The following MID1 variants were observed in gnomAD, a reference collection of about 807,000 sequenced individuals.
The protein encoded by MID1 is E3 ubiquitin-protein ligase Midline-1.
In MID1, 7 loss-of-function variants were observed where a neutral mutation model predicts 40.4. The ratio of observed to expected loss-of-function variants is 0.17; its 90% CI spans 0.10 to 0.33. The LOEUF is 0.33. MID1 is among the 10% of genes least tolerant of loss of function. The pLI is 1.00. For missense variants in MID1, 367 were observed against 558.5 expected, an observed-to-expected ratio of 0.66 and a Z score of 3.46; for synonymous variants, 229 against 221.2, an observed-to-expected ratio of 1.04 and a Z score of -0.31.
At chrX:10,490,139 G>A (rs1204375153) in intron 4 of MID1, among the ~76,000 whole-genome samples, 1 of 111,746 alleles carries the variant, frequency 8.9e-6, no homozygotes, top group Admixed American at 9.5e-5. Context: ...GGAAAGAACA[G>A]AAATCATAAC....
intron 3 of MID1, chrX:10,506,393 G>A (rs1260830621): frequency 1.9e-6 from 2 of 1,060,222 alleles, no homozygotes; most frequent in East Asian, 3.3e-5. Flanking sequence ...GGACAACTAC[G>A]AAGCCAGTAA....
At chrX:10,796,354 G>A (rs754553682) in intron 1 of MID1, among the ~76,000 whole-genome samples, 2 of 106,458 alleles carry the variant, frequency 1.9e-5, no homozygotes, top group Non-Finnish European at 3.8e-5. Flanking sequence ...CACCAGATAC[G>A]TATTTGACAT....
rs2043785002 is a variant in MID1 at position 10,773,708 on chromosome X, C to T, written c.-187+59846G>A. 3.6e-5 allele frequency among the ~76,000 whole-genome samples: 4 copies of T among 111,980 alleles called. No individual in the cohort carries two copies. In the Admixed American group the frequency reaches 3.8e-4, roughly 11 times the overall value. ...TAAGTCTGCTCTGCTTTACTGGAAA[C>T]CTCTTGTCAAATCAAGGATGCGGCT... On this transcript the variant is annotated intron_variant, in intron 1 of 10. Coordinates refer to the MID1 transcript ENST00000380785.
intron 1 of MID1, among the ~76,000 whole-genome samples, chrX:10,763,943 T>C (rs2043701088): frequency 8.9e-6 from 1 of 112,379 alleles, no homozygotes; most frequent in African/African-American, 3.3e-5. Flanking sequence ...TTCATGTGTC[T>C]TTTGGCTGCA....
At chrX:10,657,866 T>C (rs1310343423) in intron 1 of MID1, among the ~76,000 whole-genome samples, 1 of 112,298 alleles carries the variant, frequency 8.9e-6, no homozygotes. Flanking sequence ...AATTGGTTAG[T>C]TCTATTGCCA....
intron 1 of MID1, among the ~76,000 whole-genome samples, chrX:10,587,073 T>A (rs1194464107): frequency 1.8e-5 from 2 of 112,809 alleles, no homozygotes; most frequent in Non-Finnish European, 3.7e-5. Flanking sequence ...GATCTGGTAT[T>A]CCTCATGGGA....
At chrX:10,805,281 T>C (rs1364765682) in intron 1 of MID1, among the ~76,000 whole-genome samples, 2 of 90,847 alleles carry the variant, frequency 2.2e-5, no homozygotes, top group Admixed American at 1.3e-4. Flanking sequence ...CCATGTGTTC[T>C]CATTGTTCAA....
chrX:10,542,002 GTGGACAGCGTTCTAA>G (rs948968467), intron 2 of MID1, among the ~76,000 whole-genome samples: 2 of 112,261 alleles, frequency 1.8e-5, no homozygotes, highest in African/African-American at 3.2e-5. Context: ...GGAACTTAGT[GTGGACAGCGTTCTAA>G]TGGCATAGAA....
intron 1 of MID1, among the ~76,000 whole-genome samples, chrX:10,797,208 G>T (rs934169625): frequency 1.8e-5 from 2 of 111,408 alleles, no homozygotes; most frequent in African/African-American, 6.5e-5. Flanking sequence ...TTTATTTTCA[G>T]ATGTAAAATA....
intron 3 of MID1, among the ~76,000 whole-genome samples, chrX:10,508,980 C>G (rs1012379356): frequency 9.0e-6 from 1 of 111,288 alleles, no homozygotes; most frequent in African/African-American, 3.3e-5. Context: ...CCCTTTGTAT[C>G]CTGGTCTTAG....
At chrX:10,529,576 C>T (rs748979851) in intron 2 of MID1, among the ~76,000 whole-genome samples, 7 of 111,928 alleles carry the variant, frequency 6.3e-5, no homozygotes, top group African/African-American at 2.0e-4. Flanking sequence ...CCTTTCCTTT[C>T]GTGGTCAGTA....
chrX:10,550,722 TG>T (rs1409919985), intron 2 of MID1, among the ~76,000 whole-genome samples: 1 of 112,026 alleles, frequency 8.9e-6, no homozygotes, highest in Non-Finnish European at 1.9e-5. Context: ...CAATGACATT[TG>T]GGGCTGGATG....
At chrX:10,521,087 C>T (rs1248309213) in intron 3 of MID1, among the ~76,000 whole-genome samples, 2 of 85,362 alleles carry the variant, frequency 2.3e-5, no homozygotes, top group East Asian at 3.6e-4. Context: ...CGTCACATGG[C>T]GAAATTAGGA....
intron 1 of MID1, among the ~76,000 whole-genome samples, chrX:10,665,528 CTT>C (rs373056802): frequency 2.0e-4 from 19 of 96,423 alleles, no homozygotes; most frequent in African/African-American, 5.3e-4. Flanking sequence ...CAAATAGCCA[CTT>C]TTTTTTTTTT....
intron 1 of MID1, among the ~76,000 whole-genome samples, chrX:10,786,745 C>T (rs1392121954): frequency 1.0e-5 from 1 of 99,825 alleles, no homozygotes; most frequent in Non-Finnish European, 2.0e-5. Context: ...CATGTTCTCA[C>T]TCATAGGTGG....
At chrX:10,530,506 G>A (rs1326794346) in intron 2 of MID1, among the ~76,000 whole-genome samples, 1 of 112,215 alleles carries the variant, frequency 8.9e-6, no homozygotes, top group Admixed American at 9.4e-5. Context: ...AAAGAATGAG[G>A]CTTCCTTACA....
At chrX:10,715,803 G>A (rs1252450089) in intron 1 of MID1, among the ~76,000 whole-genome samples, 1 of 111,853 alleles carries the variant, frequency 8.9e-6, no homozygotes. Context: ...CCCAGTAGGG[G>A]CAGACTGACA....
intron 1 of MID1, among the ~76,000 whole-genome samples, chrX:10,619,150 C>T (rs1276927961): frequency 1.8e-5 from 2 of 111,919 alleles, no homozygotes; most frequent in Non-Finnish European, 3.8e-5. Flanking sequence ...GGAGGGTTTG[C>T]GCTGACCATT....
intron 3 of MID1, among the ~76,000 whole-genome samples, chrX:10,513,333 G>T (rs1232598260): frequency 2.7e-5 from 3 of 111,854 alleles, no homozygotes; most frequent in Admixed American, 1.9e-4. Flanking sequence ...TGATTGTTAG[G>T]ATTATTCTTG....
Sources: allele counts gnomAD v4.1 joint callset (sites outside exome capture counted in the v4.1 genomes callset), GRCh38; gene constraint gnomAD v4.1.1; transcripts MANE v1.5; gene names NCBI Gene and HGNC (gene_info 2026-07-23, HGNC 2026-07-21).